WHRN: variants seen among roughly 807,000 people sequenced by gnomAD.
The protein encoded by WHRN is CASK-interacting protein CIP98.
Under a neutral mutation model 68.3 loss-of-function variants are expected in WHRN, and 41 were observed. The ratio of observed to expected loss-of-function variants is 0.60; its 90% CI spans 0.47 to 0.78. WHRN has a LOEUF of 0.78. Ranked by LOEUF, WHRN falls within the 30% of genes least tolerant of loss-of-function variation. The probability of loss-of-function intolerance (pLI) is 0.00; values close to 1 mark genes in which losing one functional copy is unlikely to be tolerated. For missense variants in WHRN, 1,243 were observed against 1,244.7 expected (o/e 1.00, Z 0.02); for synonymous variants, 560 against 561.3 (o/e 1.00, Z 0.03).
At chr9:114,501,843 TC>T (rs1203743652) in intron 1 of WHRN, among the ~76,000 whole-genome samples, 1 of 152,166 alleles carries the variant, frequency 6.6e-6, no homozygotes, top group Admixed American at 6.5e-5. Flanking sequence ...AAAGAACGGC[TC>T]CCCGTGGAGA....
chr9:114,412,310 GA>G (rs1835501807), intron 7 of WHRN, among the ~76,000 whole-genome samples: 1 of 152,216 alleles, frequency 6.6e-6, no homozygotes. Context: ...CTCAAGGTCA[GA>G]GCTCATGCAG....
Position 114,402,943 on chromosome 9 carries a change from G to C in WHRN, c.2542-7C>G, listed in dbSNP as rs754363797. 1 of 1,607,434 alleles carries C rather than the reference G, an allele frequency of 6.2e-7. No homozygotes were observed. Among genetic ancestry groups the C allele is most frequent in the South Asian group, 1.1e-5 (1 of 90,164 alleles). ...TGTGAGCTGAGCCGCCTCTCTGCAG[G>C]GAGGAGACACAGGGCATGGGGTGCC... On this transcript the variant is annotated splice_polypyrimidine_tract_variant and splice_region_variant and intron_variant, in intron 11 of 11. Transcript: ENST00000362057.
At position 114,403,981 on chromosome 9, in the gene WHRN, C is replaced by T. The variant is rs727505188; in HGVS notation, c.2333G>A (p.Arg778Gln). Residue 778 changes from arginine (R) to glutamine (Q), a missense_variant, in exon 10 of 12, where the codon CGA becomes CAA. Coordinates refer to ENST00000362057, the MANE Select transcript of WHRN (RefSeq NM_015404.4). ...CTTGGTGGACACCGACTGCCTTCCT[C>T]GGCCTGGGGCGCTGGCCTCTGCCTC... ...AGEAEASAPG[R>Q]GRQSVSTKSR... The T allele has an allele frequency of 3.1e-6, 5 of 1,610,872 alleles. No individual in the cohort carries two copies. Among genetic ancestry groups the T allele is most frequent in the Admixed American group, 1.7e-5 (1 of 59,900 alleles).
intron 1 of WHRN, among the ~76,000 whole-genome samples, chr9:114,495,857 G>A (rs1250834171): frequency 6.6e-6 from 1 of 152,200 alleles, no homozygotes; most frequent in African/African-American, 2.4e-5. Flanking sequence ...TACAAAGGAT[G>A]CCACCCCTCC....
intron 1 of WHRN, among the ~76,000 whole-genome samples, chr9:114,492,625 A>G (rs1400885311): frequency 6.6e-6 from 1 of 152,164 alleles, no homozygotes; most frequent in Non-Finnish European, 1.5e-5. Flanking sequence ...CTGGCAGGTG[A>G]GTGGGTACAA....
In WHRN at chr9:114,504,181, T is replaced by C. The variant is rs1268209789; in HGVS notation, c.618+3A>G. 1 of 1,614,092 alleles carries C rather than the reference T, an allele frequency of 6.2e-7. No homozygotes were observed. Among genetic ancestry groups the C allele is most frequent in the South Asian group, 1.1e-5 (1 of 91,088 alleles). ...CCAGACTCTCTCCAAACCACAGCCT[T>C]ACCTTGACGGCCTCCGCGTGGGTCA... On this transcript the variant is annotated splice_donor_region_variant and intron_variant, in intron 1 of 11. Coordinates refer to ENST00000362057, the MANE Select transcript of WHRN (RefSeq NM_015404.4).
chr9:114,431,938 C>A (rs1008465378), intron 3 of WHRN, among the ~76,000 whole-genome samples: 2 of 152,212 alleles, frequency 1.3e-5, no homozygotes, highest in Non-Finnish European at 2.9e-5. Flanking sequence ...CCAGAGCTCA[C>A]TGGGACAGGA....
intron 1 of WHRN, among the ~76,000 whole-genome samples, chr9:114,481,144 T>C (rs1310439726): frequency 6.6e-6 from 1 of 152,130 alleles, no homozygotes; most frequent in Non-Finnish European, 1.5e-5. Context: ...AACTAGACCC[T>C]GGGCTGAGCT....
At chr9:114,443,005 A>G (rs1415793777) in intron 3 of WHRN, among the ~76,000 whole-genome samples, 2 of 152,248 alleles carry the variant, frequency 1.3e-5, no homozygotes, top group Non-Finnish European at 2.9e-5. Flanking sequence ...ATCAGACATC[A>G]GAATCTAGAG....
At chr9:114,435,399 G>C (rs1413271320) in intron 3 of WHRN, among the ~76,000 whole-genome samples, 1 of 152,232 alleles carries the variant, frequency 6.6e-6, no homozygotes, top group African/African-American at 2.4e-5. Context: ...CATTTGACAA[G>C]GCCAGGGCAT....
At chr9:114,411,257 G>A (rs1387718061) in intron 7 of WHRN, among the ~76,000 whole-genome samples, 1 of 152,190 alleles carries the variant, frequency 6.6e-6, no homozygotes, top group African/African-American at 2.4e-5. Context: ...AAGTAGTCCA[G>A]CCAGGCGCGT....
chr9:114,424,521 C>G lies in WHRN; in HGVS notation c.1229G>C (p.Gly410Ala). Residue 410 changes from glycine (G) to alanine (A), a missense_variant, in exon 6 of 12, where the codon GGC (glycine) becomes GCC (alanine). Transcript: ENST00000362057. ...CAGGCTGCTCAGGGTCACCTGGGAGCCGGCTGGGCCCTTGTAAAATCCTGG... is the reference window on the plus strand; with the variant it reads ...CAGGCTGCTCAGGGTCACCTGGGAGGCGGCTGGGCCCTTGTAAAATCCTGG... Reference protein sequence around the residue: ...NKPGFYKGPAGSQVTLSSLGN... With the variant: ...NKPGFYKGPAASQVTLSSLGN... 1 of 1,613,386 alleles carries G rather than the reference C, an allele frequency of 6.2e-7. No individual in the cohort carries two copies. Among genetic ancestry groups the G allele is most frequent in the South Asian group, 1.1e-5 (1 of 90,990 alleles).
chr9:114,461,871 G>C (rs1187042052), intron 3 of WHRN, among the ~76,000 whole-genome samples: 1 of 152,100 alleles, frequency 6.6e-6, no homozygotes, highest in Non-Finnish European at 1.5e-5. Flanking sequence ...ATTTGTTTTT[G>C]TTTTTCTTAC....
chr9:114,499,312 C>T (rs1360396678), intron 1 of WHRN, among the ~76,000 whole-genome samples: 1 of 152,182 alleles, frequency 6.6e-6, no homozygotes, highest in African/African-American at 2.4e-5. Flanking sequence ...AAAATCACCC[C>T]TACCCTGGGG....
rs889060562 is a variant in WHRN, at chr9:114,505,071, GCT to G, written c.-272_-271del. ...GGGTTCCTGAGAGACACAAGAGTTG[GCT>G]GCTGGAGCCCGGAGGTGGCGGAGAC... On this transcript the variant is annotated 5_prime_UTR_variant, in exon 1 of 12. Coordinates refer to ENST00000362057, the MANE Select transcript of WHRN (RefSeq NM_015404.4). The G allele has an allele frequency of 2.4e-6, 1 of 415,222 alleles. No homozygotes were observed. Among genetic ancestry groups the G allele is most frequent in the Non-Finnish European group, 4.1e-6 (1 of 244,152 alleles). 25.7% of individuals were successfully genotyped at this position (415,222 alleles called of 1,614,324 possible).
chr9:114,464,591 G>T (rs1564186214), intron 3 of WHRN, among the ~76,000 whole-genome samples: 2 of 152,184 alleles, frequency 1.3e-5, no homozygotes, highest in Non-Finnish European at 1.5e-5. Flanking sequence ...CAGCTTGTGG[G>T]TAAGGATTTC....
intron 1 of WHRN, among the ~76,000 whole-genome samples, chr9:114,497,142 C>T (rs1223808001): frequency 6.6e-6 from 1 of 152,204 alleles, no homozygotes; most frequent in Non-Finnish European, 1.5e-5. Context: ...CTCTGTTCTT[C>T]CCTGCAGCCT....
chr9:114,459,382 T>C (rs907229779), intron 3 of WHRN, among the ~76,000 whole-genome samples: 1 of 152,104 alleles, frequency 6.6e-6, no homozygotes, highest in Non-Finnish European at 1.5e-5. Context: ...GAGAATTGCT[T>C]GAACCTGGGG....
intron 3 of WHRN, among the ~76,000 whole-genome samples, 182 bp downstream of exon 3, chr9:114,466,085 C>T (rs55818142): frequency 2.6e-5 from 4 of 152,232 alleles, no homozygotes; most frequent in African/African-American, 4.8e-5. Context: ...GCCCACACTG[C>T]GTAGGCGGCC....
Sources: allele counts gnomAD v4.1 joint callset (sites outside exome capture counted in the v4.1 genomes callset), GRCh38; gene constraint gnomAD v4.1.1; transcripts MANE v1.5; gene names NCBI Gene and HGNC (gene_info 2026-07-23, HGNC 2026-07-21).